BCLAF3: variants seen among roughly 807,000 people sequenced by gnomAD.
The protein encoded by BCLAF3 is BCLAF1 and THRAP3 family member 3.
In BCLAF3, 24 loss-of-function variants were observed where a neutral mutation model predicts 51.2. The ratio of observed to expected loss-of-function variants is 0.47; its 90% CI spans 0.34 to 0.66. The LOEUF is 0.66. Ranked by LOEUF, BCLAF3 falls within the 30% of genes least tolerant of loss-of-function variation. The pLI, the probability that BCLAF3 is intolerant of heterozygous loss-of-function variation, is 0.01. For synonymous variants in BCLAF3, 152 were observed against 176.6 expected, an observed-to-expected ratio of 0.86 and a Z score of 1.10; for missense variants, 465 against 525.1, an observed-to-expected ratio of 0.89 and a Z score of 1.12.
At chrX:19,989,056 G>C (rs2041908051) in intron 1 of BCLAF3, among the ~76,000 whole-genome samples, 1 of 110,240 alleles carries the variant, frequency 9.1e-6, no homozygotes, top group Non-Finnish European at 1.9e-5. Context: ...GCTAGGGTGT[G>C]GGTAAGGACA....
intron 11 of BCLAF3, among the ~76,000 whole-genome samples, chrX:19,924,163 G>A (rs1179328133): frequency 9.0e-6 from 1 of 111,667 alleles, no homozygotes; most frequent in East Asian, 2.8e-4. Flanking sequence ...GAGGGCATCT[G>A]GGAGGCAGCT....
intron 4 of BCLAF3, among the ~76,000 whole-genome samples, chrX:19,957,795 A>G: frequency 8.9e-6 from 1 of 112,191 alleles, no homozygotes; most frequent in South Asian, 3.7e-4. Context: ...GAAAATATAC[A>G]TTTAACATAG....
At chrX:19,931,130 A>G (rs1311068281) in intron 10 of BCLAF3, among the ~76,000 whole-genome samples, 2 of 112,555 alleles carry the variant, frequency 1.8e-5, no homozygotes, top group African/African-American at 6.4e-5. Flanking sequence ...CCAGCATTAC[A>G]TTAGACATAA....
intron 8 of BCLAF3, among the ~76,000 whole-genome samples, chrX:19,944,442 C>T (rs1162863363): frequency 1.8e-5 from 1 of 54,074 alleles, no homozygotes; most frequent in East Asian, 4.3e-4. Flanking sequence ...TTAGCGCTTC[C>T]TTCAGGAGCT....
intron 8 of BCLAF3, among the ~76,000 whole-genome samples, chrX:19,948,865 A>T (rs1481285713): frequency 2.7e-5 from 3 of 110,596 alleles, no homozygotes; most frequent in Non-Finnish European, 5.7e-5. Context: ...GTTGCCAGGG[A>T]CTAAGGGGGA....
intron 11 of BCLAF3, chrX:19,918,035 T>G (rs1350651877): frequency 3.6e-5 from 4 of 111,648 alleles, no homozygotes; most frequent in African/African-American, 1.3e-4. Flanking sequence ...TTTAGGGACA[T>G]TAAAAAATAA....
At position 19,970,291 on chromosome X, in the gene BCLAF3, T is replaced by C. The variant is rs1029025228; in HGVS notation, c.-27A>G. 7.4e-6 allele frequency: 9 copies of C among 1,209,883 alleles called. No individual in the cohort carries two copies. In the East Asian group the frequency reaches 2.7e-4, roughly 36 times the overall value. On this transcript the variant is annotated 5_prime_UTR_variant, in exon 2 of 12. Transcript: ENST00000379682. ...CTTTGACACGTGAGCCACTATCCAC[T>C]TTTTACACTGCAAAGAAACACAGGA...
Position 19,917,126 on chromosome X carries a change from A to G in BCLAF3, c.*179T>C. ...ATACAACTTTTAAATTGAATACTGT[A>G]ATTTAAAAGCAATTGTTAGGTGTAA... On this transcript the variant is annotated 3_prime_UTR_variant, in exon 12 of 12. Coordinates refer to ENST00000379682, the MANE Select transcript of BCLAF3 (RefSeq NM_001367774.2). The G allele has an allele frequency of 2.1e-6, 1 of 480,874 alleles. No individual in the cohort carries two copies. The highest frequency in any genetic ancestry group is 3.6e-6 in the Non-Finnish European group (1 of 277,477). 39.6% of individuals were successfully genotyped at this position (480,874 alleles called of 1,213,427 possible). A position where few individuals can be genotyped will look rare whatever the true frequency, so the allele number is the denominator to read the frequency against.
chrX:19,989,134 TAA>T (rs368934510), intron 1 of BCLAF3, among the ~76,000 whole-genome samples: 2 of 99,206 alleles, frequency 2.0e-5, no homozygotes, highest in African/African-American at 3.6e-5. Flanking sequence ...CAATTCACAT[TAA>T]AAAAAAAAAA....
intron 11 of BCLAF3, among the ~76,000 whole-genome samples, chrX:19,926,981 C>A (rs1218055596): frequency 1.8e-5 from 2 of 111,528 alleles, no homozygotes; most frequent in Non-Finnish European, 3.8e-5. Context: ...AATGCCAGCA[C>A]TTTGGGAGGC....
chrX:19,971,291 C>A (rs911380842), intron 1 of BCLAF3, among the ~76,000 whole-genome samples: 4 of 111,365 alleles, frequency 3.6e-5, no homozygotes, highest in African/African-American at 1.3e-4. Flanking sequence ...CCATGTTGCC[C>A]AGGTTGGTCT....
intron 10 of BCLAF3, among the ~76,000 whole-genome samples, chrX:19,931,780 C>A (rs2070567366): frequency 1.8e-5 from 2 of 112,158 alleles, no homozygotes; most frequent in South Asian, 7.3e-4. Context: ...CTAAACAGAT[C>A]CACCTCTTTT....
At chrX:19,952,603 C>T (rs1332336199) in intron 7 of BCLAF3, among the ~76,000 whole-genome samples, 2 of 111,561 alleles carry the variant, frequency 1.8e-5, no homozygotes, top group Admixed American at 1.9e-4. Flanking sequence ...ATTTTTCGTT[C>T]CTGTGCATTC....
At chrX:19,988,946 G>C (rs1384374063) in intron 1 of BCLAF3, among the ~76,000 whole-genome samples, 1 of 111,656 alleles carries the variant, frequency 9.0e-6, no homozygotes, top group East Asian at 2.8e-4. Context: ...CAACAAATAA[G>C]AAAAAAGTGA....
intron 10 of BCLAF3, among the ~76,000 whole-genome samples, chrX:19,932,013 G>A (rs1230203752): frequency 2.7e-5 from 3 of 112,275 alleles, no homozygotes; most frequent in African/African-American, 9.7e-5. Flanking sequence ...CATTTATCAG[G>A]CAGGTACAAG....
intron 1 of BCLAF3, among the ~76,000 whole-genome samples, chrX:19,989,584 T>C (rs903671964): frequency 4.4e-5 from 5 of 112,372 alleles, no homozygotes; most frequent in African/African-American, 1.6e-4. Context: ...AATTATAATA[T>C]TACAGCCATA....
intron 8 of BCLAF3, 26 bp downstream of exon 8, chrX:19,950,727 C>A (rs368951376): frequency 1.6e-4 from 165 of 1,052,672 alleles, no homozygotes; most frequent in African/African-American, 4.8e-4. Context: ...TCCCTGATAA[C>A]AGGATGTTTG....
chrX:19,947,468 T>C (rs1253375980), intron 8 of BCLAF3, among the ~76,000 whole-genome samples: 1 of 111,096 alleles, frequency 9.0e-6, no homozygotes, highest in Non-Finnish European at 1.9e-5. Context: ...GGGTAAGAAG[T>C]GGAAGTAAAT....
At chrX:19,958,319 G>A (rs749883914) in intron 4 of BCLAF3, among the ~76,000 whole-genome samples, 1 of 111,703 alleles carries the variant, frequency 9.0e-6, no homozygotes, top group Non-Finnish European at 1.9e-5. Flanking sequence ...ATGGCAAAAC[G>A]GCAACAAAAA....
Sources: gnomAD v4.1 joint callset for allele counts (sites outside exome capture counted in the v4.1 genomes callset) on GRCh38, gnomAD v4.1.1 for gene constraint, MANE v1.5 for transcripts, NCBI Gene and HGNC (gene_info 2026-07-23, HGNC 2026-07-21) for gene names.